Variants in CDS1 observed in about 807,000 individuals in gnomAD.
The protein encoded by CDS1 is CDP-diacylglycerol synthase 1, also known as phosphatidate cytidylyltransferase 1.
A neutral mutation model predicts 62.1 loss-of-function variants in CDS1; 41 were observed. The ratio of observed to expected loss-of-function variants is 0.66; its 90% CI spans 0.51 to 0.86. The LOEUF (loss-of-function observed/expected upper bound fraction) is 0.86. Among genes scored for constraint, CDS1 ranks in the 40% least tolerant of loss-of-function variants. The pLI is 0.00. For missense variants in CDS1, 470 were observed against 550.1 expected, an observed-to-expected ratio of 0.85 and a Z score of 1.46; for synonymous variants, 185 against 192.6, an observed-to-expected ratio of 0.96 and a Z score of 0.32.
chr4:84,592,806 T>C (rs189988067), intron 1 of CDS1, among the ~76,000 whole-genome samples: 2 of 152,294 alleles, frequency 1.3e-5, no homozygotes, highest in East Asian at 3.9e-4. Flanking sequence ...CCGGAACCCA[T>C]GGCCAACTAT....
At chr4:84,641,510 G>C (rs894584873) in intron 10 of CDS1, among the ~76,000 whole-genome samples, 1 of 152,170 alleles carries the variant, frequency 6.6e-6, no homozygotes, top group Non-Finnish European at 1.5e-5. Flanking sequence ...AAATCAAATG[G>C]ATCAAATGGT....
intron 1 of CDS1, 36 bp downstream of exon 1, chr4:84,583,554 G>C: frequency 7.6e-7 from 1 of 1,322,156 alleles, no homozygotes; most frequent in Non-Finnish European, 1.0e-6. Flanking sequence ...GCCGCGCCCT[G>C]GCTGGGTCCT....
intron 3 of CDS1, among the ~76,000 whole-genome samples, chr4:84,610,933 T>C (rs1202287418): frequency 6.6e-6 from 1 of 152,234 alleles, no homozygotes; most frequent in Admixed American, 6.5e-5. Flanking sequence ...CATACCCCCT[T>C]GTTAAGCAAC....
intron 1 of CDS1, among the ~76,000 whole-genome samples, chr4:84,598,146 AAG>A (rs1302758199): frequency 3.3e-5 from 5 of 151,652 alleles, no homozygotes; most frequent in Admixed American, 3.3e-4. Flanking sequence ...AAAAAAGAAA[AAG>A]AAAAAGAAAA....
At chr4:84,646,920 C>G (rs531630424) in intron 12 of CDS1, among the ~76,000 whole-genome samples, 9 of 152,080 alleles carry the variant, frequency 5.9e-5, no homozygotes, top group African/African-American at 1.4e-4. Flanking sequence ...GTAGTTCTAC[C>G]AATTTTTGGT....
chr4:84,628,217 T>C (rs1723914831), intron 5 of CDS1, among the ~76,000 whole-genome samples: 1 of 152,192 alleles, frequency 6.6e-6, no homozygotes, highest in Admixed American at 6.5e-5. Context: ...GGGCCCATCC[T>C]ACTGTCTGCT....
chr4:84,588,119 C>A (rs1388184439), intron 1 of CDS1, among the ~76,000 whole-genome samples: 1 of 152,146 alleles, frequency 6.6e-6, no homozygotes, highest in African/African-American at 2.4e-5. Context: ...CCTTCACTTG[C>A]TAGACCCTGA....
chr4:84,590,992 C>G (rs1722575225), intron 1 of CDS1, among the ~76,000 whole-genome samples: 1 of 152,214 alleles, frequency 6.6e-6, no homozygotes, highest in Non-Finnish European at 1.5e-5. Context: ...TTAAATGCCT[C>G]TCGGGGCCTG....
Position 84,635,352 on chromosome 4 carries a change from G to T in CDS1, c.810+1G>T. 1.4e-6 allele frequency: 2 copies of T among 1,435,440 alleles called. No homozygotes were observed. The highest frequency in any genetic ancestry group is 1.9e-6 in the Non-Finnish European group (2 of 1,026,000). The allele number at this position is 1,435,440 out of a possible 1,614,324, so 88.9% of individuals were successfully genotyped here. ...TTTTGGGAGAACTCCATTAATTAAG[G>T]TAATGGAAAAATTTTATAAGCAAGC... On this transcript the variant is annotated splice_donor_variant, in intron 8 of 12. Transcript: ENST00000295887. LOFTEE classifies it high-confidence loss of function.
chr4:84,628,012 G>T (rs933762727), intron 5 of CDS1, among the ~76,000 whole-genome samples: 1 of 152,066 alleles, frequency 6.6e-6, no homozygotes, highest in Non-Finnish European at 1.5e-5. Context: ...TAATCTCCAC[G>T]ATGCATATTC....
intron 1 of CDS1, among the ~76,000 whole-genome samples, chr4:84,596,559 G>A (rs1375471222): frequency 6.6e-6 from 1 of 152,132 alleles, no homozygotes; most frequent in East Asian, 1.9e-4. Context: ...GGACCCTTGT[G>A]ATTATATTAG....
At chr4:84,647,016 AT>A (rs1300448204) in intron 12 of CDS1, among the ~76,000 whole-genome samples, 1 of 152,154 alleles carries the variant, frequency 6.6e-6, no homozygotes, top group Non-Finnish European at 1.5e-5. Flanking sequence ...TCATTATATA[AT>A]GTCTGTCTTT....
rs1012388083 is a variant in CDS1, at chr4:84,649,690, C to A, written c.*1004C>A. On this transcript the variant is annotated 3_prime_UTR_variant, in exon 13 of 13. Coordinates refer to ENST00000295887, the MANE Select transcript of CDS1 (RefSeq NM_001263.4). ...AGTGCAGCCCTTTGTAGACTCACCT[C>A]GCAAGAAGGAAGATCTGCCTGGAGA... 3 of 152,194 alleles carry A rather than the reference C, an allele frequency of 2.0e-5. No individual in the cohort carries two copies. In the East Asian group the frequency reaches 5.8e-4, roughly 29 times the overall value. The allele number at this position is 152,194 out of a possible 1,614,324, so 9.4% of individuals were successfully genotyped here.
intron 1 of CDS1, among the ~76,000 whole-genome samples, chr4:84,591,110 T>C (rs1278381637): frequency 6.6e-6 from 1 of 152,238 alleles, no homozygotes; most frequent in Non-Finnish European, 1.5e-5. Context: ...GACAATTTAA[T>C]GTCCTCTGGA....
At chr4:84,605,320 A>G (rs1343450569) in intron 2 of CDS1, among the ~76,000 whole-genome samples, 2 of 152,056 alleles carry the variant, frequency 1.3e-5, no homozygotes, top group Non-Finnish European at 2.9e-5. Context: ...ATGCTGTTCT[A>G]TGTTATTGAA....
At chr4:84,643,239 C>A in intron 11 of CDS1, 96 bp downstream of exon 11, 1 of 1,162,818 alleles carries the variant, frequency 8.6e-7, no homozygotes, top group Non-Finnish European at 1.2e-6. Context: ...CATTAAGCCC[C>A]TAGGCCACAA....
intron 4 of CDS1, among the ~76,000 whole-genome samples, chr4:84,618,679 A>C (rs1263262985): frequency 6.6e-6 from 1 of 152,120 alleles, no homozygotes; most frequent in Non-Finnish European, 1.5e-5. Flanking sequence ...ACAGTGGGTA[A>C]ATAGTTGGAT....
chr4:84,599,307 T>C (rs1578020628), intron 1 of CDS1, among the ~76,000 whole-genome samples: 1 of 151,540 alleles, frequency 6.6e-6, no homozygotes, highest in East Asian at 1.9e-4. Flanking sequence ...TAACATTACA[T>C]TGGAAAATTG....
intron 12 of CDS1, among the ~76,000 whole-genome samples, chr4:84,646,719 C>T (rs1321323822): frequency 4.6e-5 from 7 of 152,082 alleles, no homozygotes; most frequent in African/African-American, 1.7e-4. Context: ...GTACATGCTC[C>T]ATGGGCAAAG....
Sources: allele counts gnomAD v4.1 joint callset (sites outside exome capture counted in the v4.1 genomes callset), GRCh38; gene constraint gnomAD v4.1.1; transcripts MANE v1.5; gene names NCBI Gene and HGNC (gene_info 2026-07-23, HGNC 2026-07-21).